Variants in KCNMB4 observed in about 807,000 individuals in gnomAD.
KCNMB4 encodes calcium-activated potassium channel subunit beta-4.
KCNMB4 carries 3 observed loss-of-function variants against 20.7 expected under a neutral mutation model. That is an observed-to-expected ratio of 0.14 (90% confidence interval 0.07 to 0.37). The LOEUF (loss-of-function observed/expected upper bound fraction) is 0.37. Among genes scored for constraint, KCNMB4 ranks in the 10% least tolerant of loss-of-function variants. The probability of loss-of-function intolerance (pLI) is 1.00; values close to 1 mark genes in which losing one functional copy is unlikely to be tolerated. For missense variants in KCNMB4, 168 were observed against 265.9 expected (o/e 0.63, Z 2.56); for synonymous variants, 110 against 113.4 (o/e 0.97, Z 0.19).
rs757472555 is a variant in KCNMB4, at chr12:70,377,619, ACT to A, written c.336+10552_336+10553del. Among the ~76,000 whole-genome samples the A allele has an allele frequency of 4.6e-5, 7 of 152,144 alleles. No homozygotes were observed. In the East Asian group the frequency reaches 1.4e-3, roughly 29 times the overall value. On this transcript the variant is annotated intron_variant, in intron 1 of 2. Transcript: ENST00000258111. ...ACAACGAAGTTTCCTGCATCAATTG[ACT>A]CTTCCACAAAATGTTTCTCTGTTGC... is the stretch of plus-strand genomic sequence containing the variant.
At chr12:70,421,565 T>G (rs1389113468) in intron 2 of KCNMB4, among the ~76,000 whole-genome samples, 2 of 149,786 alleles carry the variant, frequency 1.3e-5, no homozygotes, top group Non-Finnish European at 3.0e-5. Context: ...ATGAGGAAAC[T>G]CCAAGGGTTT....
intron 2 of KCNMB4, among the ~76,000 whole-genome samples, chr12:70,403,117 G>A (rs576173010): frequency 1.4e-5 from 2 of 144,198 alleles, no homozygotes; most frequent in Non-Finnish European, 3.0e-5. Context: ...AAGGGAACAA[G>A]GTGTTGTGGA....
intron 2 of KCNMB4, among the ~76,000 whole-genome samples, chr12:70,410,638 A>G (rs1427369277): frequency 6.6e-6 from 1 of 152,154 alleles, no homozygotes; most frequent in African/African-American, 2.4e-5. Context: ...ACACATTTGC[A>G]CCATAGCTAA....
At chr12:70,388,269 A>G (rs1868273069) in intron 1 of KCNMB4, among the ~76,000 whole-genome samples, 1 of 152,154 alleles carries the variant, frequency 6.6e-6, no homozygotes, top group Non-Finnish European at 1.5e-5. Flanking sequence ...CCTATTGAAA[A>G]CAGTGCTGCA....
intron 2 of KCNMB4, among the ~76,000 whole-genome samples, chr12:70,403,905 A>G (rs1252971600): frequency 6.6e-6 from 1 of 152,342 alleles, no homozygotes; most frequent in East Asian, 1.9e-4. Flanking sequence ...CAGGTAATAA[A>G]TATTTGGTGA....
intron 1 of KCNMB4, among the ~76,000 whole-genome samples, chr12:70,382,673 A>G (rs1883812007): frequency 6.6e-6 from 1 of 152,194 alleles, no homozygotes; most frequent in Non-Finnish European, 1.5e-5. Flanking sequence ...ATAAATTTGG[A>G]CAAATGTTTG....
intron 2 of KCNMB4, among the ~76,000 whole-genome samples, chr12:70,419,448 G>T (rs1868992906): frequency 6.6e-6 from 1 of 152,016 alleles, no homozygotes; most frequent in South Asian, 2.1e-4. Context: ...AGAAGTGAAA[G>T]GATCAGAAAT....
rs1593337472 is a variant in KCNMB4 at position 70,402,897 on chromosome 12, A to C, written c.464+2561A>C. ...AGAAAGAGCCTGTCTTTCTTGATGC[A>C]TTTTTCTTGGGATTTGGAAAACTTT... On this transcript the variant is annotated intron_variant, in intron 2 of 2. Coordinates refer to ENST00000258111, the MANE Select transcript of KCNMB4 (RefSeq NM_014505.6). Among the ~76,000 whole-genome samples, 3 of 152,180 alleles carry C rather than the reference A, an allele frequency of 2.0e-5. No homozygotes were observed. The South Asian group carries it at 6.2e-4, about 32-fold the overall frequency.
intron 2 of KCNMB4, among the ~76,000 whole-genome samples, chr12:70,418,230 G>A (rs1046527349): frequency 1.3e-5 from 2 of 152,048 alleles, no homozygotes; most frequent in Non-Finnish European, 2.9e-5. Flanking sequence ...TATTTTGGGT[G>A]CATCAGTATG....
At chr12:70,414,681 A>G (rs1454457092) in intron 2 of KCNMB4, among the ~76,000 whole-genome samples, 1 of 152,154 alleles carries the variant, frequency 6.6e-6, no homozygotes, top group Non-Finnish European at 1.5e-5. Flanking sequence ...CACACTATTG[A>G]TTCATATGGA....
intron 1 of KCNMB4, among the ~76,000 whole-genome samples, chr12:70,387,504 G>A (rs965023800): frequency 6.7e-6 from 1 of 150,102 alleles, no homozygotes; most frequent in East Asian, 2.0e-4. Context: ...CCAGTTTCAA[G>A]CAATTCTCCT....
Position 70,422,872 on chromosome 12 carries a change from T to C in KCNMB4, c.465-7613T>C. On this transcript the variant is annotated intron_variant, in intron 2 of 2. Transcript: ENST00000258111. ...AGTGTGAGTAAAACCTTTTAAAAAG[T>C]CTATTACTCTGGGAGCACAGAGTGG... is the stretch of plus-strand genomic sequence containing the variant. The C allele has an allele frequency of 3.4e-6, 4 of 1,166,888 alleles. No individual in the cohort carries two copies. The South Asian group carries it at 6.9e-5, about 20-fold the overall frequency. The allele number at this position is 1,166,888 out of a possible 1,614,324, so 72.3% of individuals were successfully genotyped here.
chr12:70,403,268 ACT>A (rs558259675), intron 2 of KCNMB4, among the ~76,000 whole-genome samples: 1 of 151,734 alleles, frequency 6.6e-6, no homozygotes, highest in Non-Finnish European at 1.5e-5. Flanking sequence ...TCTATTTACA[ACT>A]CTCTCCCAGG....
chr12:70,368,421 T>C (rs552486747), intron 1 of KCNMB4, among the ~76,000 whole-genome samples: 4 of 152,090 alleles, frequency 2.6e-5, no homozygotes, highest in African/African-American at 9.6e-5. Flanking sequence ...TTGATTTACC[T>C]TAAAAAATAT....
chr12:70,416,453 T>C (rs1344533721), intron 2 of KCNMB4, among the ~76,000 whole-genome samples: 2 of 152,234 alleles, frequency 1.3e-5, no homozygotes, highest in Admixed American at 1.3e-4. Flanking sequence ...GCTACCAGGA[T>C]AAAGTTAAGC....
At chr12:70,376,451 C>A (rs1317991638) in intron 1 of KCNMB4, among the ~76,000 whole-genome samples, 1 of 151,966 alleles carries the variant, frequency 6.6e-6, no homozygotes, top group Non-Finnish European at 1.5e-5. Context: ...TCCTAAAGAA[C>A]CTCCCCTAAA....
intron 2 of KCNMB4, among the ~76,000 whole-genome samples, chr12:70,426,678 C>T (rs1869223321): frequency 6.6e-6 from 1 of 152,150 alleles, no homozygotes; most frequent in Non-Finnish European, 1.5e-5. Context: ...CCTGGGGAAA[C>T]TAATCTTTTT....
At chr12:70,417,288 A>G (rs1179376903) in intron 2 of KCNMB4, among the ~76,000 whole-genome samples, 1 of 152,200 alleles carries the variant, frequency 6.6e-6, no homozygotes, top group Non-Finnish European at 1.5e-5. Context: ...GGCCCCATTT[A>G]GTATTGGCTT....
chr12:70,371,718 G>A (rs189461990), intron 1 of KCNMB4, among the ~76,000 whole-genome samples: 1 of 152,198 alleles, frequency 6.6e-6, no homozygotes, highest in East Asian at 1.9e-4. Flanking sequence ...AGAAACTAGA[G>A]GGCATACAAA....
Sources: allele counts gnomAD v4.1 joint callset (sites outside exome capture counted in the v4.1 genomes callset), GRCh38; gene constraint gnomAD v4.1.1; transcripts MANE v1.5; gene names NCBI Gene and HGNC (gene_info 2026-07-23, HGNC 2026-07-21).